The following FCHSD2 variants were observed in gnomAD, a reference collection of about 807,000 sequenced individuals.
The protein encoded by FCHSD2 is FCH and double SH3 domains 2.
FCHSD2 carries 38 observed loss-of-function variants against 108.1 expected under a neutral mutation model. The ratio of observed to expected loss-of-function variants is 0.35; its 90% confidence interval spans 0.27 to 0.46. The LOEUF is 0.46. Ranked by LOEUF, FCHSD2 falls within the 20% of genes least tolerant of loss-of-function variation. The pLI is 1.00. For synonymous variants in FCHSD2, 279 were observed against 314.7 expected, an observed-to-expected ratio of 0.89 and a Z score of 1.20; for missense variants, 751 against 897.8, an observed-to-expected ratio of 0.84 and a Z score of 2.09.
chr11:72,960,280 AG>A (rs1198007110), intron 8 of FCHSD2, among the ~76,000 whole-genome samples: 3 of 152,172 alleles, frequency 2.0e-5, no homozygotes, highest in Non-Finnish European at 4.4e-5. Context: ...GCGATTCATG[AG>A]GGATCCACCC....
chr11:73,025,381 A>C (rs1412272769), intron 3 of FCHSD2, among the ~76,000 whole-genome samples: 1 of 152,186 alleles, frequency 6.6e-6, no homozygotes, highest in Non-Finnish European at 1.5e-5. Context: ...TTGCAAACGA[A>C]TGCAGGAAAA....
rs35412486 is a variant in FCHSD2 at position 73,132,824 on chromosome 11, GAAAAA to G, written c.119+7202_119+7206del. Among the ~76,000 whole-genome samples the G allele has an allele frequency of 1.2e-4, 13 of 110,920 alleles. No individual in the cohort carries two copies. In the South Asian group the frequency reaches 3.4e-3, roughly 29 times the overall value. The allele number at this position is 110,920 out of a possible 152,430, so 72.8% of individuals were successfully genotyped here. A position where few individuals can be genotyped will look rare whatever the true frequency, so the allele number is the denominator to read the frequency against. ...TGGGTGACAGAATGAAACGGTAACA[GAAAAA>G]AAAAAAAAAAAAACCTCAGGTGATT... On this transcript the variant is annotated intron_variant, in intron 2 of 19. Transcript: ENST00000409418.
chr11:73,062,106 AG>A (rs1859180566), intron 3 of FCHSD2, among the ~76,000 whole-genome samples: 1 of 152,204 alleles, frequency 6.6e-6, no homozygotes, highest in South Asian at 2.1e-4. Flanking sequence ...AAGCTTTCAG[AG>A]GAAAGATCGG....
At chr11:73,082,336 A>C (rs866377538) in intron 3 of FCHSD2, among the ~76,000 whole-genome samples, 466 of 35,696 alleles carry the variant, frequency 0.013, no homozygotes, top group African/African-American at 0.044. Context: ...GACTTGTCCC[A>C]AAAAAAAAAA....
At chr11:73,015,497 G>C (rs147816704) in intron 4 of FCHSD2, among the ~76,000 whole-genome samples, 1 of 151,944 alleles carries the variant, frequency 6.6e-6, no homozygotes, top group Non-Finnish European at 1.5e-5. Flanking sequence ...TTCATCATAG[G>C]TCACTCAGCA....
chr11:73,052,732 T>C (rs1858930687), intron 3 of FCHSD2, among the ~76,000 whole-genome samples: 1 of 152,200 alleles, frequency 6.6e-6, no homozygotes, highest in Non-Finnish European at 1.5e-5. Context: ...TCTTCATACT[T>C]GTAAGAAAGG....
At chr11:73,061,462 T>C (rs1342901759) in intron 3 of FCHSD2, among the ~76,000 whole-genome samples, 1 of 152,184 alleles carries the variant, frequency 6.6e-6, no homozygotes, top group Non-Finnish European at 1.5e-5. Context: ...GACAGAACGA[T>C]TCACTTCCCC....
intron 8 of FCHSD2, among the ~76,000 whole-genome samples, chr11:72,948,454 A>T (rs1856560735): frequency 6.6e-6 from 1 of 152,130 alleles, no homozygotes; most frequent in South Asian, 2.1e-4. Context: ...ATCATAATAG[A>T]TATTTATTAT....
At chr11:72,857,625 T>C (rs1861460564) in intron 13 of FCHSD2, among the ~76,000 whole-genome samples, 2 of 151,700 alleles carry the variant, frequency 1.3e-5, no homozygotes, top group Admixed American at 1.3e-4. Context: ...TTTTTTTTTT[T>C]TTTAGTAGAG....
intron 2 of FCHSD2, among the ~76,000 whole-genome samples, chr11:73,135,747 A>G: frequency 6.6e-6 from 1 of 152,198 alleles, no homozygotes. Flanking sequence ...TCACTCCCAA[A>G]TACTAGCTTC....
chr11:72,882,267 CCTGT>C (rs1368563056), intron 12 of FCHSD2, among the ~76,000 whole-genome samples: 2 of 151,254 alleles, frequency 1.3e-5, no homozygotes, highest in Non-Finnish European at 2.9e-5. Flanking sequence ...ATGGTAAAAC[CCTGT>C]CTTTTATTAC....
intron 2 of FCHSD2, among the ~76,000 whole-genome samples, chr11:73,124,634 T>C (rs1226016957): frequency 6.6e-6 from 1 of 152,014 alleles, no homozygotes; most frequent in Non-Finnish European, 1.5e-5. Flanking sequence ...CGTGTGCCTC[T>C]AATCCCAGCT....
At chr11:73,074,591 A>G (rs1859506909) in intron 3 of FCHSD2, among the ~76,000 whole-genome samples, 1 of 152,206 alleles carries the variant, frequency 6.6e-6, no homozygotes, top group East Asian at 1.9e-4. Flanking sequence ...CACTGAATAT[A>G]AAAGAAAAAA....
chr11:73,063,540 A>G (rs1859217018), intron 3 of FCHSD2, among the ~76,000 whole-genome samples: 1 of 152,164 alleles, frequency 6.6e-6, no homozygotes, highest in Non-Finnish European at 1.5e-5. Flanking sequence ...TATTCAGGAG[A>G]CCCATCTCAT....
chr11:72,944,561 AG>A (rs1157310183), intron 8 of FCHSD2, among the ~76,000 whole-genome samples: 1 of 152,172 alleles, frequency 6.6e-6, no homozygotes, highest in African/African-American at 2.4e-5. Context: ...GCAATCAGGC[AG>A]GAGAAGGAAA....
chr11:72,945,463 C>T (rs900598272), intron 8 of FCHSD2, among the ~76,000 whole-genome samples: 8 of 152,298 alleles, frequency 5.3e-5, no homozygotes, highest in African/African-American at 1.7e-4. Flanking sequence ...AAAAGCTAGG[C>T]AATACCATTC....
At chr11:72,945,842 T>A (rs915307418) in intron 8 of FCHSD2, among the ~76,000 whole-genome samples, 1 of 152,144 alleles carries the variant, frequency 6.6e-6, no homozygotes. Context: ...AAAACCACAA[T>A]GAGATACCAT....
chr11:73,109,486 G>GCTACAAA (rs1428710084), intron 2 of FCHSD2, among the ~76,000 whole-genome samples: 6 of 152,054 alleles, frequency 3.9e-5, no homozygotes, highest in Admixed American at 1.3e-4. Context: ...CTGTAAATGA[G>GCTACAAA]ATTACTTTCT....
At position 72,921,818 on chromosome 11, in the gene FCHSD2, G is replaced by A; in HGVS notation, c.828+10C>T. The A allele has an allele frequency of 6.2e-7, 1 of 1,609,494 alleles. No homozygotes were observed. Among genetic ancestry groups the A allele is most frequent in the Non-Finnish European group, 8.5e-7 (1 of 1,177,140 alleles). On this transcript the variant is annotated intron_variant, in intron 9 of 19. Transcript: ENST00000409418. ...GGATAACACTACACGTTGCACTAAA[G>A]GTAACTTACCTTGCTGGAGTTTTCT...
Sources: allele counts gnomAD v4.1 joint callset (sites outside exome capture counted in the v4.1 genomes callset), GRCh38; gene constraint gnomAD v4.1.1; transcripts MANE v1.5; gene names NCBI Gene and HGNC (gene_info 2026-07-23, HGNC 2026-07-21).